WWOX: variants seen among roughly 807,000 people sequenced by gnomAD.
The protein encoded by WWOX is WW domain containing oxidoreductase, also known as WW domain-containing oxidoreductase.
WWOX carries 69 observed loss-of-function variants against 46.2 expected under a neutral mutation model. The ratio of observed to expected loss-of-function variants is 1.49; its 90% CI spans 1.23 to 1.82. WWOX has a LOEUF of 1.82. WWOX is among the 40% of genes most tolerant of loss of function. The probability of loss-of-function intolerance (pLI) is 0.00; values close to 1 mark genes in which losing one functional copy is unlikely to be tolerated. For synonymous variants in WWOX, 359 were observed against 202.6 expected, an observed-to-expected ratio of 1.77 and a Z score of -6.56; for missense variants, 919 against 542.6, an observed-to-expected ratio of 1.69 and a Z score of -6.89.
chr16:78,989,657 T>A (rs368892791), intron 8 of WWOX, among the ~76,000 whole-genome samples: 8 of 152,080 alleles, frequency 5.3e-5, no homozygotes, highest in East Asian at 1.9e-4. Context: ...GTTGGGACCC[T>A]TTGCAAGAAG....
intron 8 of WWOX, among the ~76,000 whole-genome samples, chr16:78,479,888 C>G (rs531584049): frequency 1.3e-5 from 2 of 151,928 alleles, no homozygotes; most frequent in Admixed American, 6.6e-5. Flanking sequence ...CTGCATTGTT[C>G]ACTGCCCCCT....
At chr16:78,115,444 C>G (rs770558737) in intron 4 of WWOX, among the ~76,000 whole-genome samples, 4 of 152,126 alleles carry the variant, frequency 2.6e-5, no homozygotes, top group Non-Finnish European at 4.4e-5. Flanking sequence ...AGTTTTTGAC[C>G]TGGTCTGCAT....
chr16:79,083,048 T>G (rs1293983254), intron 8 of WWOX, among the ~76,000 whole-genome samples: 1 of 152,164 alleles, frequency 6.6e-6, no homozygotes, highest in Non-Finnish European at 1.5e-5. Flanking sequence ...GGCCTCTTGT[T>G]TCAGCCATTT....
intron 8 of WWOX, among the ~76,000 whole-genome samples, chr16:78,879,376 G>C (rs185017376): frequency 2.0e-5 from 3 of 152,228 alleles, no homozygotes; most frequent in Admixed American, 2.0e-4. Flanking sequence ...TGTTTCAAAT[G>C]TCTTATTTCA....
intron 7 of WWOX, among the ~76,000 whole-genome samples, chr16:78,426,692 T>A (rs986295989): frequency 6.6e-6 from 1 of 152,030 alleles, no homozygotes; most frequent in African/African-American, 2.4e-5. Flanking sequence ...TGACATGGAG[T>A]CTTGATCTGT....
chr16:78,512,618 T>A (rs1222127175), intron 8 of WWOX, among the ~76,000 whole-genome samples: 1 of 152,216 alleles, frequency 6.6e-6, no homozygotes, highest in Admixed American at 6.5e-5. Context: ...CCCTACTATG[T>A]GCGGAGCCTT....
Position 78,857,225 on chromosome 16 carries a change from C to T in WWOX, c.1057-354383C>T, listed in dbSNP as rs2052587665. On this transcript the variant is annotated intron_variant, in intron 8 of 8. Coordinates refer to ENST00000566780, the MANE Select transcript of WWOX (RefSeq NM_016373.4). ...TAGAAAAATGGGCAAAGATAATGAACAAGAAATTCATTGAAAAGAATTGGC... is the reference window on the plus strand; with the variant it reads ...TAGAAAAATGGGCAAAGATAATGAATAAGAAATTCATTGAAAAGAATTGGC... Among the ~76,000 whole-genome samples the T allele has an allele frequency of 3.3e-5, 5 of 152,098 alleles. No homozygotes were observed. In the South Asian group the frequency reaches 1.0e-3, roughly 32 times the overall value.
intron 8 of WWOX, among the ~76,000 whole-genome samples, chr16:78,624,541 T>A (rs2046265845): frequency 6.6e-6 from 1 of 152,232 alleles, no homozygotes; most frequent in African/African-American, 2.4e-5. Context: ...TGTTTCCTAT[T>A]TTTGGCTGTT....
At chr16:78,336,628 T>A (rs2080895446) in intron 5 of WWOX, among the ~76,000 whole-genome samples, 1 of 151,950 alleles carries the variant, frequency 6.6e-6, no homozygotes, top group Non-Finnish European at 1.5e-5. Context: ...CATCTGTACT[T>A]TGGGAGGTAA....
chr16:78,137,635 T>C (rs1380377317), intron 4 of WWOX, among the ~76,000 whole-genome samples: 1 of 152,204 alleles, frequency 6.6e-6, no homozygotes, highest in Non-Finnish European at 1.5e-5. Flanking sequence ...CACCGTCATA[T>C]GAAACAGGGA....
intron 8 of WWOX, among the ~76,000 whole-genome samples, chr16:78,792,696 A>G (rs1440697708): frequency 6.6e-6 from 1 of 152,208 alleles, no homozygotes; most frequent in Non-Finnish European, 1.5e-5. Context: ...AGCTTACTAT[A>G]CAAGTCTATA....
intron 4 of WWOX, among the ~76,000 whole-genome samples, chr16:78,159,326 G>T (rs2034707617): frequency 6.6e-6 from 1 of 152,184 alleles, no homozygotes; most frequent in Non-Finnish European, 1.5e-5. Flanking sequence ...GTATCCAGAA[G>T]TAGGATTGCT....
intron 8 of WWOX, among the ~76,000 whole-genome samples, chr16:78,680,584 C>G (rs563853495): frequency 6.6e-6 from 1 of 152,198 alleles, no homozygotes; most frequent in East Asian, 1.9e-4. Flanking sequence ...TTGAAGGTAG[C>G]CAGTGGACAC....
At chr16:78,779,539 A>T (rs1461135191) in intron 8 of WWOX, among the ~76,000 whole-genome samples, 1 of 152,176 alleles carries the variant, frequency 6.6e-6, no homozygotes. Context: ...TGTCCAAGGC[A>T]TTGTGCTCAG....
Position 78,829,902 on chromosome 16 carries a change from A to G in WWOX, c.1057-381706A>G, listed in dbSNP as rs544827552. Among the ~76,000 whole-genome samples, 6 of 152,312 alleles carry G rather than the reference A, an allele frequency of 3.9e-5. No homozygotes were observed. The South Asian group carries it at 1.2e-3, about 32-fold the overall frequency. On this transcript the variant is annotated intron_variant, in intron 8 of 8. Coordinates refer to ENST00000566780, the MANE Select transcript of WWOX (RefSeq NM_016373.4). ...GCACCAGAGCAACCCCGCCTCTTCTAAATACCATCTGACATATACATTCAG... is the reference window on the plus strand; with the variant it reads ...GCACCAGAGCAACCCCGCCTCTTCTGAATACCATCTGACATATACATTCAG...
intron 8 of WWOX, among the ~76,000 whole-genome samples, chr16:79,165,279 C>G (rs2050571648): frequency 6.6e-6 from 1 of 152,020 alleles, no homozygotes; most frequent in Non-Finnish European, 1.5e-5. Flanking sequence ...TTGCGGAGGT[C>G]AATTTCATGT....
intron 8 of WWOX, among the ~76,000 whole-genome samples, chr16:78,814,159 G>T (rs148620419): frequency 2.0e-5 from 3 of 152,310 alleles, no homozygotes; most frequent in Admixed American, 1.3e-4. Context: ...CCCGCTGCCG[G>T]CAAGCGGAGT....
At chr16:78,605,646 G>A (rs942735468) in intron 8 of WWOX, among the ~76,000 whole-genome samples, 2 of 152,168 alleles carry the variant, frequency 1.3e-5, no homozygotes, top group Non-Finnish European at 2.9e-5. Flanking sequence ...TAGAAACTCA[G>A]CTATCCAGAA....
intron 5 of WWOX, among the ~76,000 whole-genome samples, chr16:78,186,984 G>T (rs2035730640): frequency 1.3e-5 from 2 of 152,080 alleles, no homozygotes; most frequent in African/African-American, 4.8e-5. Context: ...GTGTTTGCAT[G>T]TACTCATTTG....
Sources: allele counts gnomAD v4.1 joint callset (sites outside exome capture counted in the v4.1 genomes callset), GRCh38; gene constraint gnomAD v4.1.1; transcripts MANE v1.5; gene names NCBI Gene and HGNC (gene_info 2026-07-23, HGNC 2026-07-21).